NOS1: variants seen among roughly 807,000 people sequenced by gnomAD.
NOS1 encodes the protein nitric oxide synthase 1.
A neutral mutation model predicts 164.5 loss-of-function variants in NOS1; 51 were observed. The observed-to-expected ratio is 0.31, with a 90% CI of 0.25 to 0.39. The LOEUF is 0.39. Ranked by LOEUF, NOS1 falls within the 10% of genes least tolerant of loss-of-function variation. The pLI is 1.00. For synonymous variants in NOS1, 719 were observed against 745.8 expected (o/e 0.96, Z 0.59); for missense variants, 1,362 against 1,885.6 (o/e 0.72, Z 5.14).
chr12:117,281,519 C>CAAAAAAA (rs56248436), intron 7 of NOS1, among the ~76,000 whole-genome samples: 10 of 50,860 alleles, frequency 2.0e-4, no homozygotes, highest in Non-Finnish European at 2.6e-4. Context: ...GACTCCATCT[C>CAAAAAAA]AAAAAAAAAA....
Position 117,243,244 on chromosome 12 carries a change from C to T in NOS1, c.2962+53G>A. Reference sequence around the variant, plus strand: ...AAGCACCTTCTGGAGGTGAGATCACCTGCCTTTCCCCCATTGTCACGAATA... The same window carrying T: ...AAGCACCTTCTGGAGGTGAGATCACTTGCCTTTCCCCCATTGTCACGAATA... On this transcript the variant is annotated intron_variant, in intron 19 of 28. Coordinates refer to ENST00000317775, the MANE Select transcript of NOS1 (RefSeq NM_000620.5). This position sits in a 1 kb window ranked among gnomAD's most constrained non-coding sequence, Gnocchi z 4.3. 5 of 1,603,316 alleles carry T rather than the reference C, an allele frequency of 3.1e-6. No homozygotes were observed. The South Asian group carries it at 5.6e-5, about 18-fold the overall frequency.
intron 1 of NOS1, among the ~76,000 whole-genome samples, chr12:117,335,729 T>TGAGAGAAAGAGAGAGAGAGA (rs1875776441): frequency 8.9e-6 from 1 of 112,540 alleles, no homozygotes; most frequent in African/African-American, 3.6e-5. Context: ...ACAGACTATA[T>TGAGAGAAAGAGAGAGAGAGA]GAGAGAGAGA....
intron 8 of NOS1, among the ~76,000 whole-genome samples, chr12:117,280,214 CTG>C (rs2136009523): frequency 6.6e-6 from 1 of 152,266 alleles, no homozygotes; most frequent in Non-Finnish European, 1.5e-5. Flanking sequence ...CTACCAGTAA[CTG>C]TAGTGATGCT....
chr12:117,274,247 C>T (rs185911181), intron 9 of NOS1, among the ~76,000 whole-genome samples: 7 of 152,200 alleles, frequency 4.6e-5, no homozygotes, highest in South Asian at 2.1e-4. Context: ...GATATGCAAA[C>T]GAAACCCACA....
intron 10 of NOS1, among the ~76,000 whole-genome samples, chr12:117,269,460 ATTTGTTTT>A (rs1872650008): frequency 9.1e-6 from 1 of 110,048 alleles, no homozygotes; most frequent in East Asian, 2.7e-4. Context: ...ATCTCTGGAG[ATTTGTTTT>A]TTTTTTTTTT....
Position 117,212,448 on chromosome 12 carries a change from C to T in NOS1, c.*2861G>A. The T allele has an allele frequency of 1.0e-6, 1 of 985,458 alleles. No homozygotes were observed. Among genetic ancestry groups the T allele is most frequent in the Non-Finnish European group, 1.2e-6 (1 of 829,962 alleles). 61.0% of individuals were successfully genotyped at this position (985,458 alleles called of 1,614,324 possible). On this transcript the variant is annotated 3_prime_UTR_variant, in exon 29 of 29. Transcript: ENST00000317775. ...CTCCAGGGAAACCAAAAGAAGCCCTCTCTCCTCCCAAGGAGTTTAACATCA... is the reference window on the plus strand; with the variant it reads ...CTCCAGGGAAACCAAAAGAAGCCCTTTCTCCTCCCAAGGAGTTTAACATCA...
chr12:117,331,148 G>A lies in NOS1; in HGVS notation c.-79C>T. On this transcript the variant is annotated 5_prime_UTR_variant, in exon 2 of 29. Transcript: ENST00000317775. ...AAGATGATTTCACCAGGAGGATCCA[G>A]GCTTCAGGCTACACGGAGAGCAGGA... The A allele has an allele frequency of 6.6e-7, 1 of 1,522,012 alleles. No homozygotes were observed. The highest frequency in any genetic ancestry group is 1.4e-5 in the African/African-American group (1 of 72,596). 94.3% of individuals were successfully genotyped at this position (1,522,012 alleles called of 1,614,324 possible).
Position 117,208,318 on chromosome 12 carries a change from G to A in NOS1, c.*6991C>T, listed in dbSNP as rs1206939917. ...TCAGTCCTTCAAGGAAGGTGCTGGA[G>A]CACAGGGACACTTGGCAGAGATTAG... is the stretch of plus-strand genomic sequence containing the variant. On this transcript the variant is annotated 3_prime_UTR_variant, in exon 29 of 29. Coordinates refer to ENST00000317775, the MANE Select transcript of NOS1 (RefSeq NM_000620.5). 2 of 1,289,154 alleles carry A rather than the reference G, an allele frequency of 1.6e-6. No individual in the cohort carries two copies. Among genetic ancestry groups the A allele is most frequent in the East Asian group, 1.1e-4 (2 of 18,014 alleles). 79.9% of individuals were successfully genotyped at this position (1,289,154 alleles called of 1,614,324 possible).
intron 14 of NOS1, among the ~76,000 whole-genome samples, chr12:117,259,653 A>T (rs558348988): frequency 6.6e-6 from 1 of 152,284 alleles, no homozygotes; most frequent in South Asian, 2.1e-4. Context: ...TCTGAGCAAC[A>T]TTTCTCAAAA....
chr12:117,216,184 ATTT>A (rs35267348), intron 28 of NOS1, among the ~76,000 whole-genome samples: 2 of 125,708 alleles, frequency 1.6e-5, no homozygotes, highest in Admixed American at 8.1e-5. Context: ...GTCAAAAGGG[ATTT>A]TTTTTTTTTT....
At chr12:117,336,378 C>A (rs1875820804) in intron 1 of NOS1, among the ~76,000 whole-genome samples, 1 of 152,184 alleles carries the variant, frequency 6.6e-6, no homozygotes, top group Admixed American at 6.5e-5. Flanking sequence ...CCTGGAGAAG[C>A]AAAGGGCTCA....
chr12:117,346,323 T>G (rs147564738), intron 1 of NOS1, among the ~76,000 whole-genome samples: 1,576 of 152,034 alleles, frequency 0.01, 34 homozygotes, highest in African/African-American at 0.036. Context: ...ATACAAAAAT[T>G]AGCCAGGCGT....
At position 117,280,840 on chromosome 12, in the gene NOS1, C is replaced by T; in HGVS notation, c.1409G>A (p.Arg470Lys). The change falls in exon 8 of 29, where the codon AGG (arginine) becomes AAG (lysine). Residue 470 changes from arginine (R) to lysine (K), a missense_variant. Physicochemically the swap from Arg to Lys is conservative, Grantham distance 26 (BLOSUM62 2). This residue lies in a region of NOS1 where 134 missense variants were observed against 267.3 expected (regional missense o/e 0.50). Transcript: ENST00000317775. ...TCGGAAGTCGTGCTTGCCGTCTGTC[C>T]TCTGGGGGAATATGGTGATGGCAGA... ...LRSAITIFPQ[R>K]TDGKHDFRVW... is the part of the protein sequence containing the mutation. 6.2e-7 allele frequency: 1 copy of T among 1,614,116 alleles called. No homozygotes were observed. The highest frequency in any genetic ancestry group is 2.2e-5 in the East Asian group (1 of 44,854).
intron 3 of NOS1, chr12:117,305,007 A>T (rs990459951): frequency 2.0e-6 from 2 of 985,254 alleles, no homozygotes; most frequent in African/African-American, 3.5e-5. Context: ...AGTCCTTGGC[A>T]GTTGCTTTGC....
rs772816512 is a variant in NOS1 at position 117,330,857 on chromosome 12, G to A, written c.213C>T (p.Pro71=). ...GDIILAVNGR[P]LVDLSYDSAL... ...CGCTGTCATAGCTCAGGTCCACCAAGGGCCGGCCGTTGACCGCAAGAATGA... is the reference window on the plus strand; with the variant it reads ...CGCTGTCATAGCTCAGGTCCACCAAAGGCCGGCCGTTGACCGCAAGAATGA... Residue 71 remains proline, a synonymous_variant, in exon 2 of 29, where the codon CCC becomes CCT. Transcript: ENST00000317775. The surrounding 1 kb of genome is among the most constrained non-coding windows in gnomAD (Gnocchi z 4.6). The A allele has an allele frequency of 1.9e-6, 3 of 1,614,020 alleles. No individual in the cohort carries two copies. The highest frequency in any genetic ancestry group is 1.3e-5 in the African/African-American group (1 of 74,928).
intron 22 of NOS1, among the ~76,000 whole-genome samples, chr12:117,229,564 CTAT>C (rs1869012047): frequency 2.0e-5 from 2 of 100,094 alleles, no homozygotes; most frequent in Admixed American, 3.1e-4. Context: ...TCAAATTCTT[CTAT>C]CTATCTATCT....
intron 2 of NOS1, among the ~76,000 whole-genome samples, chr12:117,314,635 C>A (rs1033067611): frequency 1.3e-5 from 2 of 152,116 alleles, no homozygotes; most frequent in African/African-American, 4.8e-5. Context: ...GAAACAGAGT[C>A]TTGCTTTATC....
intron 1 of NOS1, among the ~76,000 whole-genome samples, chr12:117,346,743 G>C (rs922385620): frequency 1.3e-5 from 2 of 152,112 alleles, no homozygotes; most frequent in African/African-American, 4.8e-5. Context: ...AGAAACACTG[G>C]TACGGTTTGC....
At chr12:117,328,024 G>T (rs1027210497) in intron 2 of NOS1, among the ~76,000 whole-genome samples, 34 of 152,096 alleles carry the variant, frequency 2.2e-4, no homozygotes, top group African/African-American at 7.0e-4. Context: ...AGTTTGGGAG[G>T]AAGGTGCATG....
Sources: gnomAD v4.1 joint callset for allele counts (sites outside exome capture counted in the v4.1 genomes callset) on GRCh38, gnomAD v4.1.1 for gene constraint, gnomAD v4.1.1 regional missense constraint, Gnocchi (gnomAD v3.1) non-coding constraint, MANE v1.5 for transcripts, NCBI Gene and HGNC (gene_info 2026-07-23, HGNC 2026-07-21) for gene names.